NEMF: variants seen among roughly 807,000 people sequenced by gnomAD.
NEMF encodes the protein nuclear export mediator factor, also known as ribosome quality control complex subunit NEMF.
Under a neutral mutation model 162.2 loss-of-function variants are expected in NEMF, and 89 were observed. The observed-to-expected ratio is 0.55, with a 90% CI of 0.46 to 0.65. The LOEUF is 0.65. Ranked by LOEUF, NEMF falls within the 30% of genes least tolerant of loss-of-function variation. The pLI, the probability that NEMF is intolerant of heterozygous loss-of-function variation, is 0.00. For synonymous variants in NEMF, 421 were observed against 404.5 expected (o/e 1.04, Z -0.49); for missense variants, 1,133 against 1,261.9 (o/e 0.90, Z 1.55).
At position 49,803,412 on chromosome 14, in the gene NEMF, T is replaced by G. The variant is rs1891041597; in HGVS notation, c.1858-118A>C. ...AAGCCACACTGTCTTCTGAAAAGTTTATAATTTCGTACAAATTCTCAATAC... is the reference window on the plus strand; with the variant it reads ...AAGCCACACTGTCTTCTGAAAAGTTGATAATTTCGTACAAATTCTCAATAC... On this transcript the variant is annotated intron_variant, in intron 19 of 32. Coordinates refer to ENST00000298310, the MANE Select transcript of NEMF (RefSeq NM_004713.6). 7 of 591,012 alleles carry G rather than the reference T, an allele frequency of 1.2e-5. No homozygotes were observed. In the South Asian group the frequency reaches 2.0e-4, roughly 17 times the overall value. 36.6% of individuals were successfully genotyped at this position (591,012 alleles called of 1,614,324 possible).
chr14:49,822,108 G>A (rs1281840609), intron 16 of NEMF, among the ~76,000 whole-genome samples: 3 of 151,828 alleles, frequency 2.0e-5, no homozygotes, highest in Admixed American at 2.0e-4. Context: ...ATGCTTGAAG[G>A]CAGCATGCTC....
chr14:49,845,080 AGT>A (rs1893429281), intron 4 of NEMF, among the ~76,000 whole-genome samples: 6 of 1,248 alleles, frequency 4.8e-3, no homozygotes, highest in African/African-American at 8.7e-3. Flanking sequence ...AGATTAAGTT[AGT>A]TAGTTAGTTA....
At chr14:49,835,566 T>A (rs1263144745) in intron 6 of NEMF, among the ~76,000 whole-genome samples, 1 of 152,202 alleles carries the variant, frequency 6.6e-6, no homozygotes, top group Non-Finnish European at 1.5e-5. Context: ...TGATAATTAC[T>A]GGTGAAGGAC....
intron 28 of NEMF, chr14:49,787,022 C>A (rs977911482): frequency 1.2e-5 from 4 of 339,588 alleles, no homozygotes; most frequent in South Asian, 6.0e-5. Flanking sequence ...CTGAAACTTT[C>A]ATATAAAGTA....
rs1566643309 is a variant in NEMF at position 49,785,124 on chromosome 14, T to C, written c.3041A>G (p.Lys1014Arg). The C allele has an allele frequency of 6.2e-7, 1 of 1,606,216 alleles. No homozygotes were observed. The highest frequency in any genetic ancestry group is 8.5e-7 in the Non-Finnish European group (1 of 1,173,058). Residue 1014 changes from lysine to arginine, a missense_variant, in exon 31 of 33, where the codon AAA (lysine) becomes AGA (arginine). Physicochemically the swap from Lys to Arg is conservative, Grantham distance 26. Transcript: ENST00000298310. ...CTTTTTCTGCACTCCAGGAGTAAGT[T>C]TCACTTTATATCTTTAAAAAGGAAT... ...TTMTNYKYKVKLTPGVQKKGK... is the reference protein window; with the variant it reads ...TTMTNYKYKVRLTPGVQKKGK...
In NEMF at chr14:49,832,090, A is replaced by G; in HGVS notation, c.843T>C (p.His281=). 1 of 1,607,522 alleles carries G rather than the reference A, an allele frequency of 6.2e-7. No homozygotes were observed. The highest frequency in any genetic ancestry group is 8.5e-7 in the Non-Finnish European group (1 of 1,177,930). Residue 281 remains histidine (H), a synonymous_variant, in exon 10 of 33, where the codon CAT becomes CAC. Coordinates refer to ENST00000298310, the MANE Select transcript of NEMF (RefSeq NM_004713.6). ...CAAATTCTATATATGGACATTGTGA[A>G]TGTTGAGAAAACAAGAAAGGATGAA... ...EEFHPFLFSQ[H]SQCPYIEFES... is the part of the protein sequence containing the mutation.
In NEMF at chr14:49,838,200, A is replaced by T. The variant is rs764069813; in HGVS notation, c.513T>A (p.Thr171=). The part of the protein sequence containing the change: ...AEPLLTLERL[T]EIVASAPKGE... ...CCTTAGGTGCGCTGGCTACTATTTC[A>T]GTCAACCTGTGAAACAAAACGGACA... The change falls in exon 6 of 33, where the codon ACT becomes ACA. Residue 171 remains threonine, a synonymous_variant. Transcript: ENST00000298310. 5.0e-6 allele frequency: 8 copies of T among 1,613,882 alleles called. No homozygotes were observed. Among genetic ancestry groups the T allele is most frequent in the Non-Finnish European group, 6.8e-6 (8 of 1,179,798 alleles).
intron 20 of NEMF, 142 bp from the exon 21 acceptor site, chr14:49,802,869 T>C: frequency 1.5e-6 from 1 of 654,602 alleles, no homozygotes; most frequent in East Asian, 2.7e-5. Flanking sequence ...ACATTTCCCA[T>C]TTATAGAACT....
chr14:49,789,790 T>A (rs879076435), intron 26 of NEMF, among the ~76,000 whole-genome samples: 5 of 152,088 alleles, frequency 3.3e-5, no homozygotes, highest in African/African-American at 9.7e-5. Flanking sequence ...CACAGAGAAG[T>A]AAGAATACAT....
rs774042770 is a variant in NEMF, at chr14:49,852,763, C to A, written c.-10G>T. 6 of 1,614,146 alleles carry A rather than the reference C, an allele frequency of 3.7e-6. 1 individual carries two copies. The highest frequency in any genetic ancestry group is 4.5e-5 in the East Asian group (2 of 44,874). On this transcript the variant is annotated 5_prime_UTR_variant, in exon 1 of 33. Transcript: ENST00000298310. ...TAAAGCGGCTCTTCATGGCGAGGCCCGAGGGTCACTACCGCAAGTTCCTCT... is the reference window on the plus strand; with the variant it reads ...TAAAGCGGCTCTTCATGGCGAGGCCAGAGGGTCACTACCGCAAGTTCCTCT...
At chr14:49,794,619 TAAA>T (rs397852715) in intron 26 of NEMF, among the ~76,000 whole-genome samples, 6 of 90,360 alleles carry the variant, frequency 6.6e-5, no homozygotes, top group Admixed American at 1.3e-4. Flanking sequence ...ACCCTGTCTC[TAAA>T]AAAAAAAAAA....
At chr14:49,787,779 T>C (rs1048137631) in intron 28 of NEMF, among the ~76,000 whole-genome samples, 1 of 152,146 alleles carries the variant, frequency 6.6e-6, no homozygotes, top group African/African-American at 2.4e-5. Context: ...ATAAGGATAT[T>C]GTACAAATTT....
chr14:49,833,415 G>A lies in NEMF; in HGVS notation c.735+8C>T. On this transcript the variant is annotated splice_region_variant and intron_variant, in intron 8 of 32. Coordinates refer to ENST00000298310, the MANE Select transcript of NEMF (RefSeq NM_004713.6). ...ACAACAATATATAGTAAGTATACAT[G>A]GTGCTACCTTCCCACTGAAGTTGGA... 6.5e-7 allele frequency: 1 copy of A among 1,544,026 alleles called. No homozygotes were observed.
At chr14:49,801,573 C>T (rs946785617) in intron 22 of NEMF, 1 of 152,072 alleles carries the variant, frequency 6.6e-6, no homozygotes, top group South Asian at 2.1e-4. Context: ...CAAAATCTTG[C>T]AGCACAACAG....
rs760568756 is a variant in NEMF, at chr14:49,792,141, T to TA, written c.2620-2569dup. ...CTGGGCAACAAAGTAAGACCCAGTC[T>TA]AAAAAAAAAAAAAGTCTCCTCACAA... On this transcript the variant is annotated intron_variant, in intron 26 of 32. Transcript: ENST00000298310. Among the ~76,000 whole-genome samples the TA allele has an allele frequency of 8.4e-4, 116 of 138,086 alleles. 1 individual carries two copies. The East Asian group carries it at 0.012, about 15-fold the overall frequency. The allele number at this position is 138,086 out of a possible 152,430, so 90.6% of individuals were successfully genotyped here. A position where few individuals can be genotyped will look rare whatever the true frequency, so the allele number is the denominator to read the frequency against.
At chr14:49,788,033 C>T (rs187431331) in intron 28 of NEMF, among the ~76,000 whole-genome samples, 93 of 152,234 alleles carry the variant, frequency 6.1e-4, no homozygotes, top group Middle Eastern at 3.4e-3. Flanking sequence ...AATCCCAACA[C>T]TTTGGGAGGC....
chr14:49,830,794 C>T (rs1892596052), intron 11 of NEMF, among the ~76,000 whole-genome samples: 1 of 152,242 alleles, frequency 6.6e-6, no homozygotes, highest in African/African-American at 2.4e-5. Flanking sequence ...TGTTCTGCAG[C>T]AAATGCTCTA....
At position 49,783,096 on chromosome 14, in the gene NEMF, C is replaced by CTATT. The variant is rs1889988739; in HGVS notation, c.*1536_*1539dup. 2 of 690,494 alleles carry CTATT rather than the reference C, an allele frequency of 2.9e-6. No homozygotes were observed. Among genetic ancestry groups the CTATT allele is most frequent in the Non-Finnish European group, 4.5e-6 (2 of 447,378 alleles). The allele number at this position is 690,494 out of a possible 1,614,324, so 42.8% of individuals were successfully genotyped here. On this transcript the variant is annotated 3_prime_UTR_variant, in exon 33 of 33. Coordinates refer to ENST00000298310, the MANE Select transcript of NEMF (RefSeq NM_004713.6). The stretch of plus-strand genomic sequence containing the variant: ...TGTGCATGTGAATGGCCTAGAGAAC[C>CTATT]TATTTTTGTGTCTAAAGTTTACAAT...
rs749900237 is a variant in NEMF at position 49,797,332 on chromosome 14, T to TAA, written c.2466-1390_2466-1389dup. ...CTACTTGCTTCCTGAGACCTGCTAT[T>TAA]AAAAAAAAAAAAAAAATCGGCCAGG... On this transcript the variant is annotated intron_variant, in intron 25 of 32. Transcript: ENST00000298310. 441 of 139,204 alleles carry TAA rather than the reference T, an allele frequency of 3.2e-3. 3 individuals carry two copies. Among genetic ancestry groups the TAA allele is most frequent in the Middle Eastern group, 0.025 (7 of 276 alleles). The allele number at this position is 139,204 out of a possible 1,614,324, so 8.6% of individuals were successfully genotyped here.
Sources: gnomAD v4.1 joint callset for allele counts (sites outside exome capture counted in the v4.1 genomes callset) on GRCh38, gnomAD v4.1.1 for gene constraint, MANE v1.5 for transcripts, NCBI Gene and HGNC (gene_info 2026-07-23, HGNC 2026-07-21) for gene names.